The following HDAC1 variants were observed in gnomAD, a reference collection of about 807,000 sequenced individuals.
The protein encoded by HDAC1 is histone deacetylase 1.
A neutral mutation model predicts 65.5 loss-of-function variants in HDAC1; 18 were observed. The ratio of observed to expected loss-of-function variants is 0.27; its 90% confidence interval spans 0.19 to 0.41. The LOEUF (loss-of-function observed/expected upper bound fraction) is 0.41, where lower values mean the gene tolerates loss of function less well. HDAC1 is among the 10% of genes least tolerant of loss of function. The probability of loss-of-function intolerance (pLI) is 1.00; values close to 1 mark genes in which losing one functional copy is unlikely to be tolerated. For synonymous variants in HDAC1, 211 were observed against 227.9 expected, an observed-to-expected ratio of 0.93 and a Z score of 0.67; for missense variants, 373 against 625.2, an observed-to-expected ratio of 0.60 and a Z score of 4.30.
intron 3 of HDAC1, among the ~76,000 whole-genome samples, chr1:32,324,107 A>G (rs1418939684): frequency 2.6e-5 from 4 of 151,874 alleles, no homozygotes; most frequent in Non-Finnish European, 5.9e-5. Flanking sequence ...CTCTAAAAAA[A>G]AAAAAAAGAA....
In HDAC1 at chr1:32,301,173, G is replaced by A. The variant is rs536508207; in HGVS notation, c.50-1448G>A. The stretch of plus-strand genomic sequence containing the variant: ...AGATTAAGAAAGTCCTTGGCCGGGC[G>A]CGGTGGCTCATGCCTGTAATCCCAG... On this transcript the variant is annotated intron_variant, in intron 1 of 13. Transcript: ENST00000373548. 7.2e-5 allele frequency among the ~76,000 whole-genome samples: 11 copies of A among 152,190 alleles called. No homozygotes were observed. The South Asian group carries it at 1.5e-3, about 20-fold the overall frequency.
rs769069282 is a variant in HDAC1, at chr1:32,330,737, C to G, written c.839-31C>G. The G allele has an allele frequency of 1.9e-6, 3 of 1,613,940 alleles. No individual in the cohort carries two copies. Among genetic ancestry groups the G allele is most frequent in the Non-Finnish European group, 2.5e-6 (3 of 1,179,910 alleles). On this transcript the variant is annotated intron_variant, in intron 8 of 13. Coordinates refer to ENST00000373548, the MANE Select transcript of HDAC1 (RefSeq NM_004964.3). The surrounding 1 kb of genome is among the most constrained non-coding windows in gnomAD (Gnocchi z 4.2). ...GTGGGCGGGGTCCTGCTTGGTGCTC[C>G]TGTAACTCAGCACCCCTTCTCCCAC...
chr1:32,320,802 A>G (rs938394464), intron 3 of HDAC1, among the ~76,000 whole-genome samples: 3 of 142,626 alleles, frequency 2.1e-5, no homozygotes, highest in African/African-American at 7.8e-5. Context: ...CGGGAGGCTG[A>G]GGCATGAGAA....
At chr1:32,326,530 A>G (rs1641219972) in intron 4 of HDAC1, among the ~76,000 whole-genome samples, 1 of 152,122 alleles carries the variant, frequency 6.6e-6, no homozygotes, top group Non-Finnish European at 1.5e-5. Context: ...TTACACATGC[A>G]ATCCAGGATA....
rs138365973 is a variant in HDAC1 at position 32,299,764 on chromosome 1, G to A, written c.50-2857G>A. The stretch of plus-strand genomic sequence containing the variant: ...GCAAACTGAAGTAGGTACCTGAGAA[G>A]CCCAATGTAGGGCCTGGCACGGTGG... On this transcript the variant is annotated intron_variant, in intron 1 of 13. Transcript: ENST00000373548. Among the ~76,000 whole-genome samples the A allele has an allele frequency of 1.3e-3, 191 of 152,220 alleles. 1 individual carries two copies. Among genetic ancestry groups the A allele is most frequent in the Admixed American group, 8.5e-4 (13 of 15,284 alleles).
Position 32,332,966 on chromosome 1 carries a change from CCT to C in HDAC1, c.1422-50_1422-49del, listed in dbSNP as rs774689280. On this transcript the variant is annotated intron_variant, in intron 13 of 13. Transcript: ENST00000373548. ...TGGAAGTCACTGTCTGCACTTTTGC[CCT>C]GAGGCTCTGGGCTGGGTCATCTCAT... is the stretch of plus-strand genomic sequence containing the variant. The C allele has an allele frequency of 2.5e-6, 4 of 1,600,336 alleles. No homozygotes were observed. In the African/African-American group the frequency reaches 4.0e-5, roughly 16 times the overall value.
intron 4 of HDAC1, 23 bp downstream of exon 4, chr1:32,324,576 C>G (rs2148069057): frequency 6.5e-7 from 1 of 1,528,492 alleles, no homozygotes; most frequent in Non-Finnish European, 9.1e-7. Flanking sequence ...CATCTTCTCC[C>G]CAGGGGTAGA....
intron 2 of HDAC1, among the ~76,000 whole-genome samples, chr1:32,304,192 T>A (rs953749840): frequency 6.6e-6 from 1 of 152,108 alleles, no homozygotes; most frequent in Non-Finnish European, 1.5e-5. Flanking sequence ...CCAACAGTGG[T>A]ATTTTTGTCA....
At chr1:32,326,451 C>G in intron 4 of HDAC1, among the ~76,000 whole-genome samples, 1 of 152,078 alleles carries the variant, frequency 6.6e-6, no homozygotes, top group East Asian at 1.9e-4. Context: ...AGGTGTGAGC[C>G]ACCGCGCATG....
chr1:32,332,325 A>C, intron 12 of HDAC1, 83 bp downstream of exon 12: 1 of 1,292,934 alleles, frequency 7.7e-7, no homozygotes. Context: ...GGAGTGACTC[A>C]GGCCCTGCCA....
At chr1:32,316,577 C>T (rs189304755) in intron 2 of HDAC1, 88 bp from the exon 3 acceptor site, 3 of 764,006 alleles carry the variant, frequency 3.9e-6, no homozygotes, top group African/African-American at 3.4e-5. Context: ...TAGCTCCATG[C>T]TGCGCAGGAA....
Position 32,316,673 on chromosome 1 carries a change from C to A in HDAC1, c.171C>A (p.His57Gln). The A allele has an allele frequency of 6.2e-7, 1 of 1,610,916 alleles. No individual in the cohort carries two copies. ...LYRKMEIYRP[H>Q]KANAEEMTKY... ...TCCCTTCTGCCCTCTAGCGCCCTCA[C>A]AAAGCCAATGCTGAGGAGATGACCA... The change falls in exon 3 of 14, where the codon CAC (histidine) becomes CAA (glutamine). Residue 57 changes from histidine (H) to glutamine (Q), a missense_variant. Transcript: ENST00000373548.
rs924489085 is a variant in HDAC1, at chr1:32,292,794, G to C, written c.49+576G>C. Among the ~76,000 whole-genome samples, 5 of 151,982 alleles carry C rather than the reference G, an allele frequency of 3.3e-5. 1 individual carries two copies. The highest frequency in any genetic ancestry group is 2.0e-4 in the Admixed American group (3 of 15,220). On this transcript the variant is annotated intron_variant, in intron 1 of 13. Coordinates refer to ENST00000373548, the MANE Select transcript of HDAC1 (RefSeq NM_004964.3). The stretch of plus-strand genomic sequence containing the variant: ...ACTGTGTTCGAGGAAGTGTTGAGGG[G>C]CTGGGGCCGTGGGGTTGATCGGGTC...
intron 2 of HDAC1, among the ~76,000 whole-genome samples, chr1:32,305,133 T>C (rs1640895014): frequency 6.6e-6 from 1 of 152,240 alleles, no homozygotes; most frequent in Non-Finnish European, 1.5e-5. Context: ...ATTATGTGAC[T>C]GACTTTTTTT....
In HDAC1 at chr1:32,331,073, CTT is replaced by C. The variant is rs1476483013; in HGVS notation, c.979+169_979+170del. On this transcript the variant is annotated intron_variant, in intron 9 of 13. Coordinates refer to ENST00000373548, the MANE Select transcript of HDAC1 (RefSeq NM_004964.3). This position sits in a 1 kb window ranked among gnomAD's most constrained non-coding sequence, Gnocchi z 4.2. ...TGTGATCAGCAGACCATAACCATCA[CTT>C]TTTCCCTAGTCCTTTTTAGCTCTCT... is the stretch of plus-strand genomic sequence containing the variant. 6.6e-6 allele frequency among the ~76,000 whole-genome samples: 1 copy of C among 152,214 alleles called. No homozygotes were observed. The highest frequency in any genetic ancestry group is 1.5e-5 in the Non-Finnish European group (1 of 68,040).
intron 2 of HDAC1, among the ~76,000 whole-genome samples, chr1:32,311,421 C>A (rs750884691): frequency 1.3e-5 from 2 of 151,840 alleles, no homozygotes; most frequent in African/African-American, 4.8e-5. Flanking sequence ...GAGCCGAGAT[C>A]GTGCCATTAC....
intron 3 of HDAC1, among the ~76,000 whole-genome samples, chr1:32,319,139 G>A (rs1641105688): frequency 6.6e-6 from 1 of 152,104 alleles, no homozygotes; most frequent in Admixed American, 6.6e-5. Flanking sequence ...AATTCAGTCT[G>A]GGTGCCTATA....
At position 32,312,873 on chromosome 1, in the gene HDAC1, G is replaced by A. The variant is rs1284416014; in HGVS notation, c.163-3792G>A. ...GTATTTTTTGCAGAGATGGGATTTC[G>A]CCATGTTGGCCAGACTGGTTTGAAA... On this transcript the variant is annotated intron_variant, in intron 2 of 13. Coordinates refer to ENST00000373548, the MANE Select transcript of HDAC1 (RefSeq NM_004964.3). Among the ~76,000 whole-genome samples, 8 of 150,628 alleles carry A rather than the reference G, an allele frequency of 5.3e-5. No homozygotes were observed. The East Asian group carries it at 7.9e-4, about 15-fold the overall frequency.
At chr1:32,316,612 C>G (rs2148065186) in intron 2 of HDAC1, 53 bp from the exon 3 acceptor site, 1 of 949,942 alleles carries the variant, frequency 1.1e-6, no homozygotes, top group Middle Eastern at 2.9e-4. Context: ...ACTAGATTGA[C>G]TGGACTGGCC....
Sources: allele counts gnomAD v4.1 joint callset (sites outside exome capture counted in the v4.1 genomes callset), GRCh38; gene constraint gnomAD v4.1.1; non-coding constraint Gnocchi (gnomAD v3.1); transcripts MANE v1.5; gene names NCBI Gene and HGNC (gene_info 2026-07-23, HGNC 2026-07-21).